DLGAP2: variants seen among roughly 807,000 people sequenced by gnomAD.
DLGAP2 encodes the protein DLG associated protein 2, also known as disks large-associated protein 2.
Under a neutral mutation model 100.3 loss-of-function variants are expected in DLGAP2, and 26 were observed. That is an observed-to-expected ratio of 0.26 (90% CI 0.19 to 0.36). DLGAP2 has a LOEUF of 0.36. DLGAP2 is among the 10% of genes least tolerant of loss of function. The pLI, the probability that DLGAP2 is intolerant of heterozygous loss-of-function variation, is 1.00. For synonymous variants in DLGAP2, 886 were observed against 630.1 expected (o/e 1.41, Z -6.08); for missense variants, 1,858 against 1,453.2 (o/e 1.28, Z -4.53).
At position 1,601,948 on chromosome 8, in the gene DLGAP2, G is replaced by A. The variant is rs1050806740; in HGVS notation, c.1443-24792G>A. 2.8e-3 allele frequency among the ~76,000 whole-genome samples: 405 copies of A among 145,262 alleles called. 5 individuals carry two copies. The highest frequency in any genetic ancestry group is 9.8e-3 in the African/African-American group (364 of 37,090). On this transcript the variant is annotated intron_variant, in intron 6 of 14. Coordinates refer to ENST00000637795, the MANE Select transcript of DLGAP2 (RefSeq NM_001346810.2). ...TCCTAAAACCTTAATTTAACAGGGT[G>A]TGTGTGTGTGTGTGTGTGTGTGTGT...
intron 2 of DLGAP2, among the ~76,000 whole-genome samples, chr8:1,063,723 G>A (rs565582823): frequency 9.2e-5 from 14 of 152,194 alleles, no homozygotes; most frequent in African/African-American, 3.4e-4. Context: ...CTCTGTACAG[G>A]ACTGAGCATG....
chr8:1,315,833 C>T (rs78561127), intron 3 of DLGAP2, among the ~76,000 whole-genome samples: 9,947 of 24,072 alleles, frequency 0.41, 591 homozygotes, highest in Middle Eastern at 0.54. Flanking sequence ...AACTCGGCAG[C>T]GTTTAAAAAT....
intron 6 of DLGAP2, among the ~76,000 whole-genome samples, chr8:1,603,323 G>T (rs1796688748): frequency 1.3e-5 from 2 of 151,052 alleles, no homozygotes; most frequent in South Asian, 4.2e-4. Context: ...TTCTACAGAG[G>T]CTGGTTAGAG....
chr8:751,993 T>C (rs1204111305), intron 1 of DLGAP2, among the ~76,000 whole-genome samples: 1 of 152,226 alleles, frequency 6.6e-6, no homozygotes, highest in Non-Finnish European at 1.5e-5. Flanking sequence ...CCATTTTTTT[T>C]CTCCTTAAAG....
At chr8:919,623 G>C (rs1798667392) in intron 2 of DLGAP2, among the ~76,000 whole-genome samples, 1 of 152,196 alleles carries the variant, frequency 6.6e-6, no homozygotes, top group African/African-American at 2.4e-5. Flanking sequence ...GTACAGGATG[G>C]GGCCCCGGTG....
At chr8:1,537,463 C>G (rs1801191971) in intron 4 of DLGAP2, among the ~76,000 whole-genome samples, 1 of 152,100 alleles carries the variant, frequency 6.6e-6, no homozygotes, top group Admixed American at 6.5e-5. Context: ...CCATGCCTGC[C>G]ACCACCACCC....
intron 3 of DLGAP2, among the ~76,000 whole-genome samples, chr8:1,307,784 T>G (rs1204361619): frequency 6.6e-6 from 1 of 152,108 alleles, no homozygotes; most frequent in Non-Finnish European, 1.5e-5. Flanking sequence ...AGAGTGACTG[T>G]GATTCCCCTC....
chr8:924,469 C>G (rs1798772943), intron 2 of DLGAP2, among the ~76,000 whole-genome samples: 1 of 152,084 alleles, frequency 6.6e-6, no homozygotes, highest in Admixed American at 6.5e-5. Context: ...GGACTGTAAG[C>G]CCGGTGAAGT....
At chr8:1,520,450 C>A (rs898144145) in intron 4 of DLGAP2, among the ~76,000 whole-genome samples, 81 of 152,224 alleles carry the variant, frequency 5.3e-4, no homozygotes, top group African/African-American at 1.9e-3. Flanking sequence ...AGCCATCCTT[C>A]ATCCTTCACG....
intron 3 of DLGAP2, among the ~76,000 whole-genome samples, chr8:1,439,326 G>A (rs542252734): frequency 6.6e-6 from 1 of 152,298 alleles, no homozygotes; most frequent in African/African-American, 2.4e-5. Context: ...AGGAAGCTTC[G>A]CGCTGTCTGT....
At chr8:1,355,512 G>A (rs1364040684) in intron 3 of DLGAP2, among the ~76,000 whole-genome samples, 1 of 151,820 alleles carries the variant, frequency 6.6e-6, no homozygotes, top group East Asian at 1.9e-4. Context: ...TTACAGGTGT[G>A]TGCCACCATG....
At chr8:1,601,290 C>T (rs562250584) in intron 6 of DLGAP2, among the ~76,000 whole-genome samples, 15 of 152,298 alleles carry the variant, frequency 9.8e-5, no homozygotes, top group South Asian at 8.3e-4. Context: ...CGGAGCTCTC[C>T]TGTGTGATGT....
At chr8:811,674 C>A (rs1382285978) in intron 1 of DLGAP2, among the ~76,000 whole-genome samples, 2 of 148,320 alleles carry the variant, frequency 1.3e-5, no homozygotes, top group Admixed American at 6.7e-5. Flanking sequence ...GCCAGGGCTC[C>A]TGCCGTGGTG....
rs180819659 is a variant in DLGAP2 at position 866,244 on chromosome 8, G to A, written c.19-41668G>A. ...TACCCCAGGCCTGTCCAGATCTTCCGGGGCCGTGCCGGTATCTCTCATGGA... is the reference window on the plus strand; with the variant it reads ...TACCCCAGGCCTGTCCAGATCTTCCAGGGCCGTGCCGGTATCTCTCATGGA... On this transcript the variant is annotated intron_variant, in intron 1 of 14. Coordinates refer to ENST00000637795, the MANE Select transcript of DLGAP2 (RefSeq NM_001346810.2). 1.7e-3 allele frequency among the ~76,000 whole-genome samples: 253 copies of A among 152,260 alleles called. 1 individual carries two copies. The highest frequency in any genetic ancestry group is 4.6e-3 in the South Asian group (22 of 4,818).
At chr8:760,146 T>C (rs1484491710) in intron 1 of DLGAP2, among the ~76,000 whole-genome samples, 1 of 152,204 alleles carries the variant, frequency 6.6e-6, no homozygotes, top group Non-Finnish European at 1.5e-5. Flanking sequence ...GGAATTTCTG[T>C]GGCTTCTTCT....
At chr8:1,559,622 A>C (rs1802091746) in intron 5 of DLGAP2, among the ~76,000 whole-genome samples, 1 of 152,232 alleles carries the variant, frequency 6.6e-6, no homozygotes, top group Non-Finnish European at 1.5e-5. Context: ...TGAAGAAAAA[A>C]ATCTTTACTT....
chr8:1,491,188 G>T (rs1799373949), intron 3 of DLGAP2, among the ~76,000 whole-genome samples: 1 of 149,912 alleles, frequency 6.7e-6, no homozygotes, highest in African/African-American at 2.4e-5. Flanking sequence ...AACATTTGAT[G>T]TTGCATGAAA....
At chr8:989,948 G>T (rs960789479) in intron 2 of DLGAP2, among the ~76,000 whole-genome samples, 6 of 152,012 alleles carry the variant, frequency 3.9e-5, no homozygotes, top group Admixed American at 1.3e-4. Flanking sequence ...GTCGCTGTTG[G>T]GTGTTGGGTT....
At chr8:1,414,665 T>C (rs940942331) in intron 3 of DLGAP2, among the ~76,000 whole-genome samples, 1 of 147,380 alleles carries the variant, frequency 6.8e-6, no homozygotes, top group Non-Finnish European at 1.5e-5. Context: ...CCAGGCGTCC[T>C]CTGCCCTCAG....
Sources: gnomAD v4.1 joint callset for allele counts (sites outside exome capture counted in the v4.1 genomes callset) on GRCh38, gnomAD v4.1.1 for gene constraint, MANE v1.5 for transcripts, NCBI Gene and HGNC (gene_info 2026-07-23, HGNC 2026-07-21) for gene names.